The following DPP10 variants were observed in gnomAD, a reference collection of about 807,000 sequenced individuals.
The protein encoded by DPP10 is inactive dipeptidyl peptidase 10.
In DPP10, 33 loss-of-function variants were observed where a neutral mutation model predicts 120.9. That is an observed-to-expected ratio of 0.27 (90% CI 0.21 to 0.37). The LOEUF is 0.37. Ranked by LOEUF, DPP10 falls within the 10% of genes least tolerant of loss-of-function variation. The pLI is 1.00. For synonymous variants in DPP10, 337 were observed against 326.1 expected (o/e 1.03, Z -0.36); for missense variants, 816 against 942.8 (o/e 0.87, Z 1.76).
intron 3 of DPP10, among the ~76,000 whole-genome samples, chr2:115,376,886 AT>A (rs1162563167): frequency 1.3e-5 from 2 of 148,354 alleles, no homozygotes; most frequent in Non-Finnish European, 3.0e-5. Flanking sequence ...TGAACTCATC[AT>A]TTTTTATGGC....
At chr2:114,995,302 C>A (rs2104956053) in intron 1 of DPP10, among the ~76,000 whole-genome samples, 1 of 152,142 alleles carries the variant, frequency 6.6e-6, no homozygotes, top group African/African-American at 2.4e-5. Flanking sequence ...TATTTTGTGA[C>A]CTCTTTGTGA....
At chr2:114,699,913 C>G (rs1019009373) in intron 1 of DPP10, among the ~76,000 whole-genome samples, 1 of 152,020 alleles carries the variant, frequency 6.6e-6, no homozygotes, top group African/African-American at 2.4e-5. Flanking sequence ...CTCTTAGATA[C>G]AACAAGGAAA....
chr2:115,638,585 C>G (rs186230975), intron 5 of DPP10, among the ~76,000 whole-genome samples: 1 of 152,226 alleles, frequency 6.6e-6, no homozygotes, highest in Non-Finnish European at 1.5e-5. Flanking sequence ...AATAGAAATG[C>G]CTGGAGGATT....
chr2:114,923,661 G>A (rs542982127), intron 1 of DPP10, among the ~76,000 whole-genome samples: 98 of 148,858 alleles, frequency 6.6e-4, no homozygotes, highest in Non-Finnish European at 1.1e-3. Context: ...TGTATTTTTA[G>A]TAGAGATGGG....
intron 5 of DPP10, among the ~76,000 whole-genome samples, chr2:115,668,121 A>G (rs1286316198): frequency 6.6e-6 from 1 of 152,068 alleles, no homozygotes; most frequent in Non-Finnish European, 1.5e-5. Flanking sequence ...AACTTATTAA[A>G]TTGTTTATAT....
intron 1 of DPP10, among the ~76,000 whole-genome samples, chr2:114,734,942 C>T (rs1438512016): frequency 6.6e-6 from 1 of 152,110 alleles, no homozygotes; most frequent in Non-Finnish European, 1.5e-5. Flanking sequence ...CTTCTGAGGC[C>T]TCTCTCCTTA....
chr2:115,044,357 T>G (rs1704899143), intron 1 of DPP10, among the ~76,000 whole-genome samples: 1 of 151,760 alleles, frequency 6.6e-6, no homozygotes, highest in African/African-American at 2.4e-5. Flanking sequence ...GACCAGATCT[T>G]TTTTTTTAAT....
chr2:115,311,583 A>G (rs2061579598), intron 2 of DPP10, among the ~76,000 whole-genome samples: 1 of 152,136 alleles, frequency 6.6e-6, no homozygotes, highest in Non-Finnish European at 1.5e-5. Flanking sequence ...TGGAGTTCTC[A>G]CCACATTCTA....
chr2:114,617,934 C>A (rs921037445), intron 1 of DPP10, among the ~76,000 whole-genome samples: 1 of 152,066 alleles, frequency 6.6e-6, no homozygotes, highest in South Asian at 2.1e-4. Flanking sequence ...GCCAGTCAAC[C>A]GGCTGGTTAG....
chr2:114,913,525 G>C (rs1223773915), intron 1 of DPP10, among the ~76,000 whole-genome samples: 6 of 152,146 alleles, frequency 3.9e-5, no homozygotes, highest in Non-Finnish European at 8.8e-5. Context: ...CAGAAATAAA[G>C]CCGATCATCT....
chr2:114,495,934 C>T (rs1682476608), intron 1 of DPP10, among the ~76,000 whole-genome samples: 1 of 152,196 alleles, frequency 6.6e-6, no homozygotes, highest in Non-Finnish European at 1.5e-5. Context: ...CACAACCTTG[C>T]TATTGCCCTT....
chr2:115,772,830 G>A (rs532604324), intron 13 of DPP10, among the ~76,000 whole-genome samples: 1 of 152,124 alleles, frequency 6.6e-6, no homozygotes, highest in Non-Finnish European at 1.5e-5. Context: ...GATGGAGTAA[G>A]CAGAATTTTC....
At chr2:114,944,264 A>G (rs182706153) in intron 1 of DPP10, among the ~76,000 whole-genome samples, 15 of 152,266 alleles carry the variant, frequency 9.9e-5, no homozygotes, top group South Asian at 4.1e-4. Context: ...CTACACTATT[A>G]ATAATATGAT....
intron 1 of DPP10, among the ~76,000 whole-genome samples, chr2:114,525,761 A>G (rs1342815893): frequency 1.3e-5 from 2 of 152,220 alleles, no homozygotes; most frequent in East Asian, 3.8e-4. Context: ...TTCCAGTTGT[A>G]TGATTTTATG....
At chr2:115,159,344 G>A (rs1041319966) in intron 1 of DPP10, among the ~76,000 whole-genome samples, 2 of 152,112 alleles carry the variant, frequency 1.3e-5, no homozygotes, top group South Asian at 2.1e-4. Context: ...TGTAGTCCCA[G>A]CTACTTGGGA....
At chr2:115,649,249 C>G in intron 5 of DPP10, among the ~76,000 whole-genome samples, 1 of 152,100 alleles carries the variant, frequency 6.6e-6, no homozygotes, top group East Asian at 1.9e-4. Context: ...AGCTACTCTT[C>G]TGTTACTTTC....
At chr2:115,621,271 G>T (rs1179063480) in intron 5 of DPP10, among the ~76,000 whole-genome samples, 1 of 152,150 alleles carries the variant, frequency 6.6e-6, no homozygotes, top group Non-Finnish European at 1.5e-5. Context: ...GCTTTCAGAA[G>T]TGGAAAGAAG....
intron 19 of DPP10, among the ~76,000 whole-genome samples, chr2:115,806,297 A>G (rs541685869): frequency 3.0e-4 from 46 of 152,316 alleles, no homozygotes; most frequent in Non-Finnish European, 1.0e-4. Context: ...TGTTCTCTCA[A>G]AAAACTGGTG....
At chr2:115,409,469 T>C (rs2104564818) in intron 3 of DPP10, among the ~76,000 whole-genome samples, 1 of 152,230 alleles carries the variant, frequency 6.6e-6, no homozygotes, top group Non-Finnish European at 1.5e-5. Flanking sequence ...CGATACCAAC[T>C]TACTTCTGCA....
Sources: allele counts gnomAD v4.1 joint callset (sites outside exome capture counted in the v4.1 genomes callset), GRCh38; gene constraint gnomAD v4.1.1; transcripts MANE v1.5; gene names NCBI Gene and HGNC (gene_info 2026-07-23, HGNC 2026-07-21).